The following SGK3 variants were observed in gnomAD, a reference collection of about 807,000 sequenced individuals.
SGK3 encodes the protein serine/threonine-protein kinase Sgk3.
A neutral mutation model predicts 68.5 loss-of-function variants in SGK3; 47 were observed. That is an observed-to-expected ratio of 0.69 (90% confidence interval 0.54 to 0.87). SGK3 has a LOEUF of 0.87. Among genes scored for constraint, SGK3 ranks in the 40% least tolerant of loss-of-function variants. SGK3 has a pLI of 0.00. For synonymous variants in SGK3, 181 were observed against 189.1 expected (o/e 0.96, Z 0.35); for missense variants, 479 against 575.5 (o/e 0.83, Z 1.72).
At chr8:66,816,357 T>TTG (rs1808582489) in intron 5 of SGK3, among the ~76,000 whole-genome samples, 2 of 144,506 alleles carry the variant, frequency 1.4e-5, no homozygotes, top group Non-Finnish European at 3.0e-5. Context: ...TTTTTTTTTT[T>TTG]GTGTGTGAGA....
At chr8:66,723,129 A>ATTTTTTTT (rs1289411840) in intron 1 of SGK3, among the ~76,000 whole-genome samples, 2 of 40,608 alleles carry the variant, frequency 4.9e-5, no homozygotes, top group African/African-American at 9.2e-5. Flanking sequence ...ATATATATAT[A>ATTTTTTTT]TATTTTTTTT....
chr8:66,831,643 G>T (rs1247414976), intron 8 of SGK3, among the ~76,000 whole-genome samples: 1 of 152,062 alleles, frequency 6.6e-6, no homozygotes, highest in African/African-American at 2.4e-5. Flanking sequence ...CCAGCCTAAA[G>T]TGTTTTTATT....
chr8:66,806,586 G>A (rs1298342557), intron 4 of SGK3, among the ~76,000 whole-genome samples: 1 of 152,050 alleles, frequency 6.6e-6, no homozygotes, highest in Non-Finnish European at 1.5e-5. Context: ...GCTGAGGTGG[G>A]CGGATCACTT....
At chr8:66,764,219 GTTTAAGA>G (rs1368363540) in intron 1 of SGK3, among the ~76,000 whole-genome samples, 1 of 152,018 alleles carries the variant, frequency 6.6e-6, no homozygotes, top group African/African-American at 2.4e-5. Flanking sequence ...CCTGAATAGA[GTTTAAGA>G]TTTTTTTATA....
At chr8:66,767,651 G>A (rs1806361741) in intron 1 of SGK3, 1 of 1,385,030 alleles carries the variant, frequency 7.2e-7, no homozygotes, top group Admixed American at 1.7e-5. Flanking sequence ...GGATTGAAGG[G>A]AAATAATTTT....
In SGK3 at chr8:66,793,851, G is replaced by A. The variant is rs1807564682; in HGVS notation, c.96+19G>A. 6 of 1,606,108 alleles carry A rather than the reference G, an allele frequency of 3.7e-6. No homozygotes were observed. The highest frequency in any genetic ancestry group is 1.1e-5 in the South Asian group (1 of 89,932). ...GTTTACTGTAAGTATTTAACATAAA[G>A]CATGTGGGAAAAAAGTTGAATGTAG... On this transcript the variant is annotated intron_variant, in intron 2 of 16. Coordinates refer to ENST00000521198, the MANE Select transcript of SGK3 (RefSeq NM_001033578.3).
intron 1 of SGK3, among the ~76,000 whole-genome samples, chr8:66,762,112 G>A (rs1360756309): frequency 6.6e-6 from 1 of 152,090 alleles, no homozygotes; most frequent in Non-Finnish European, 1.5e-5. Context: ...TCTGCCACAG[G>A]CGCCTGCTAC....
chr8:66,744,495 ATATATATATATATATATATATATATTTTT>A (rs1563605501), intron 1 of SGK3, among the ~76,000 whole-genome samples: 12 of 18,090 alleles, frequency 6.6e-4, no homozygotes, highest in Admixed American at 6.3e-3. Flanking sequence ...ATATATATAT[ATATATATATATATATATATATATATTTTT>A]TTTTTTTTTT....
At chr8:66,748,667 C>T (rs1805718624) in intron 1 of SGK3, among the ~76,000 whole-genome samples, 1 of 152,056 alleles carries the variant, frequency 6.6e-6, no homozygotes, top group Admixed American at 6.6e-5. Flanking sequence ...CCTTCTAACA[C>T]CACTGATTTA....
intron 1 of SGK3, chr8:66,737,387 A>G (rs888561921): frequency 1.3e-5 from 2 of 152,002 alleles, no homozygotes; most frequent in Non-Finnish European, 2.9e-5. Context: ...GCAATAAGGA[A>G]GAGTTCTGGA....
rs1805764567 is a variant in SGK3 at position 66,749,954 on chromosome 8, TG to T, written c.-122+37122del. On this transcript the variant is annotated intron_variant, in intron 1 of 16. Coordinates refer to ENST00000521198, the MANE Select transcript of SGK3 (RefSeq NM_001033578.3). The stretch of plus-strand genomic sequence containing the variant: ...TAGGGTGTGTGTGTGTGTGTGTGTG[TG>T]TGTGTGTGTGTATGTGTGTAAATCT... 9.9e-5 allele frequency among the ~76,000 whole-genome samples: 15 copies of T among 151,386 alleles called. No homozygotes were observed. The South Asian group carries it at 3.1e-3, about 31-fold the overall frequency.
chr8:66,813,776 T>G, intron 4 of SGK3, 77 bp from the exon 5 acceptor site: 1 of 1,268,366 alleles, frequency 7.9e-7, no homozygotes, highest in Middle Eastern at 2.1e-4. Flanking sequence ...TATCTTGTGC[T>G]TGTCTATTAT....
intron 1 of SGK3, among the ~76,000 whole-genome samples, chr8:66,773,307 TCTAAAGGAGAAAGCCAAGGAC>T (rs1806576064): frequency 6.6e-6 from 1 of 152,154 alleles, no homozygotes; most frequent in Admixed American, 6.5e-5. Flanking sequence ...CATTGAAGAC[TCTAAAGGAGAAAGCCAAGGAC>T]CTGGTGACCA....
chr8:66,847,118 G>A, intron 14 of SGK3, 75 bp from the exon 15 acceptor site: 1 of 1,554,152 alleles, frequency 6.4e-7, no homozygotes, highest in South Asian at 1.2e-5. Flanking sequence ...GCTCCCTCAA[G>A]ATTAAAGCCA....
intron 10 of SGK3, among the ~76,000 whole-genome samples, chr8:66,838,132 C>T (rs1015288181): frequency 3.3e-5 from 5 of 152,180 alleles, no homozygotes; most frequent in Admixed American, 3.3e-4. Context: ...GTGGTGCGAT[C>T]TCAGCTCACT....
At chr8:66,839,928 A>C (rs1238096306) in intron 10 of SGK3, 75 bp from the exon 11 acceptor site, 2 of 1,334,668 alleles carry the variant, frequency 1.5e-6, no homozygotes, top group African/African-American at 2.9e-5. Context: ...GTATTTACCG[A>C]ATATATTTGT....
intron 5 of SGK3, among the ~76,000 whole-genome samples, chr8:66,815,345 G>C (rs1161027399): frequency 6.6e-6 from 1 of 152,210 alleles, no homozygotes; most frequent in African/African-American, 2.4e-5. Context: ...ATTAGACAGT[G>C]CAGTAAGAAC....
intron 15 of SGK3, among the ~76,000 whole-genome samples, chr8:66,848,250 A>G (rs1048903856): frequency 2.6e-5 from 4 of 152,128 alleles, no homozygotes; most frequent in Non-Finnish European, 5.9e-5. Context: ...GCAGCTCTAG[A>G]TGAATCCAAC....
At chr8:66,854,149 G>C (rs1032181121) in intron 16 of SGK3, among the ~76,000 whole-genome samples, 1 of 152,164 alleles carries the variant, frequency 6.6e-6, no homozygotes, top group South Asian at 2.1e-4. Flanking sequence ...GCATCTCTTA[G>C]AATACAACTT....
Sources: allele counts gnomAD v4.1 joint callset (sites outside exome capture counted in the v4.1 genomes callset), GRCh38; gene constraint gnomAD v4.1.1; transcripts MANE v1.5; gene names NCBI Gene and HGNC (gene_info 2026-07-23, HGNC 2026-07-21).